The following THRB variants were observed in gnomAD, a reference collection of about 807,000 sequenced individuals.
THRB encodes the protein thyroid hormone receptor beta, also known as nuclear receptor subfamily 1 group A member 2.
THRB carries 12 observed loss-of-function variants against 47.8 expected under a neutral mutation model. That is an observed-to-expected ratio of 0.25 (90% confidence interval 0.16 to 0.41). The LOEUF (loss-of-function observed/expected upper bound fraction) is 0.41. Ranked by LOEUF, THRB falls within the 10% of genes least tolerant of loss-of-function variation. THRB has a pLI of 1.00. For missense variants in THRB, 348 were observed against 589.2 expected (o/e 0.59, Z 4.24); for synonymous variants, 218 against 212.2 (o/e 1.03, Z -0.24).
chr3:24,259,799 T>C (rs2051754082), intron 3 of THRB, among the ~76,000 whole-genome samples: 1 of 152,134 alleles, frequency 6.6e-6, no homozygotes, highest in Non-Finnish European at 1.5e-5. Flanking sequence ...ATTTAAGTGA[T>C]TTGGTTTATT....
chr3:24,188,305 A>T (rs1488149819), intron 5 of THRB, among the ~76,000 whole-genome samples: 2 of 152,216 alleles, frequency 1.3e-5, no homozygotes, highest in Non-Finnish European at 2.9e-5. Context: ...GTACTTTGCT[A>T]AATGCTTAAA....
chr3:24,390,811 T>TAA (rs1375966091), intron 1 of THRB, among the ~76,000 whole-genome samples: 2 of 147,180 alleles, frequency 1.4e-5, no homozygotes, highest in Non-Finnish European at 3.0e-5. Flanking sequence ...TATATATATA[T>TAA]ATAATATTAT....
At chr3:24,264,038 T>C (rs1339181533) in intron 3 of THRB, among the ~76,000 whole-genome samples, 1 of 152,202 alleles carries the variant, frequency 6.6e-6, no homozygotes, top group Admixed American at 6.5e-5. Flanking sequence ...CCAAATTACA[T>C]GTCAGTTCAT....
chr3:24,275,350 C>T (rs1398898936), intron 3 of THRB, among the ~76,000 whole-genome samples: 2 of 152,198 alleles, frequency 1.3e-5, no homozygotes, highest in African/African-American at 4.8e-5. Context: ...ATGGGTCCCA[C>T]CTTCTTCATC....
chr3:24,335,490 G>A (rs1246868151), intron 2 of THRB, among the ~76,000 whole-genome samples: 1 of 152,118 alleles, frequency 6.6e-6, no homozygotes, highest in Non-Finnish European at 1.5e-5. Context: ...TTCACTAAAT[G>A]CCGAATTTAT....
intron 1 of THRB, among the ~76,000 whole-genome samples, chr3:24,489,249 A>G (rs1697781817): frequency 6.6e-6 from 1 of 152,038 alleles, no homozygotes; most frequent in Non-Finnish European, 1.5e-5. Flanking sequence ...GCAAAAAAAA[A>G]ATAAGAAAAA....
At chr3:24,152,511 G>A (rs748601834) in intron 5 of THRB, 21 bp from the exon 6 acceptor site, 2 of 1,266,834 alleles carry the variant, frequency 1.6e-6, no homozygotes, top group African/African-American at 1.5e-5. Context: ...AATAAAAGAA[G>A]GAATATTAAA....
At chr3:24,173,551 A>C (rs1265581986) in intron 5 of THRB, among the ~76,000 whole-genome samples, 1 of 152,188 alleles carries the variant, frequency 6.6e-6, no homozygotes, top group African/African-American at 2.4e-5. Flanking sequence ...GTCTTTGGAC[A>C]TAATACTATC....
chr3:24,445,522 C>A (rs2071983907), intron 1 of THRB, among the ~76,000 whole-genome samples: 1 of 152,088 alleles, frequency 6.6e-6, no homozygotes, highest in African/African-American at 2.4e-5. Flanking sequence ...ATTAACATCT[C>A]AATGGATAAA....
At chr3:24,233,140 T>C (rs1342379010) in intron 3 of THRB, among the ~76,000 whole-genome samples, 4 of 152,154 alleles carry the variant, frequency 2.6e-5, no homozygotes, top group Non-Finnish European at 5.9e-5. Flanking sequence ...CAAAGTGTGT[T>C]TGTATTTTAA....
intron 4 of THRB, among the ~76,000 whole-genome samples, chr3:24,200,345 T>A: frequency 6.6e-6 from 1 of 152,172 alleles, no homozygotes; most frequent in East Asian, 1.9e-4. Flanking sequence ...AAAATACACG[T>A]GAATCTTTTC....
chr3:24,379,308 G>A (rs2065521655), intron 1 of THRB, among the ~76,000 whole-genome samples: 1 of 152,022 alleles, frequency 6.6e-6, no homozygotes, highest in African/African-American at 2.4e-5. Flanking sequence ...TTAGGTCACA[G>A]GAAGCCACAG....
At chr3:24,452,155 T>C (rs1248823550) in intron 1 of THRB, among the ~76,000 whole-genome samples, 1 of 152,222 alleles carries the variant, frequency 6.6e-6, no homozygotes, top group Non-Finnish European at 1.5e-5. Flanking sequence ...ATGACAGATC[T>C]TGAGGTGAAA....
chr3:24,201,093 G>A (rs568489951), intron 4 of THRB, among the ~76,000 whole-genome samples: 1 of 152,140 alleles, frequency 6.6e-6, no homozygotes, highest in South Asian at 2.1e-4. Context: ...CTGCAGATGG[G>A]TCAAATTGCT....
chr3:24,364,711 G>T (rs1312165738), intron 1 of THRB, among the ~76,000 whole-genome samples: 1 of 151,956 alleles, frequency 6.6e-6, no homozygotes. Context: ...GGCTCTTGGG[G>T]GTACTCATGT....
chr3:24,195,200 G>T (rs2043815608), intron 4 of THRB, among the ~76,000 whole-genome samples: 1 of 152,140 alleles, frequency 6.6e-6, no homozygotes, highest in Non-Finnish European at 1.5e-5. Context: ...GGAGAATAAT[G>T]TTTGGTTGAG....
intron 1 of THRB, among the ~76,000 whole-genome samples, chr3:24,407,369 T>A (rs150510324): frequency 3.2e-4 from 49 of 151,636 alleles, no homozygotes; most frequent in African/African-American, 1.1e-3. Context: ...GTAAGAAATA[T>A]CACCCATATA....
intron 1 of THRB, among the ~76,000 whole-genome samples, chr3:24,416,862 C>T (rs1004035827): frequency 6.6e-6 from 1 of 151,804 alleles, no homozygotes; most frequent in African/African-American, 2.4e-5. Flanking sequence ...GGATAATGGG[C>T]TGAATTTTGA....
intron 1 of THRB, among the ~76,000 whole-genome samples, chr3:24,468,983 G>A (rs1210379290): frequency 2.6e-5 from 4 of 152,124 alleles, no homozygotes; most frequent in Non-Finnish European, 4.4e-5. Context: ...TCAATAAAAT[G>A]AGGTATGCCT....
Sources: gnomAD v4.1 joint callset for allele counts (sites outside exome capture counted in the v4.1 genomes callset) on GRCh38, gnomAD v4.1.1 for gene constraint, MANE v1.5 for transcripts, NCBI Gene and HGNC (gene_info 2026-07-23, HGNC 2026-07-21) for gene names.